Variants in SIPA1L3 observed in about 807,000 individuals in gnomAD.
The protein encoded by SIPA1L3 is signal induced proliferation associated 1 like 3.
In SIPA1L3, 59 loss-of-function variants were observed where a neutral mutation model predicts 150.1. That is an observed-to-expected ratio of 0.39 (90% CI 0.32 to 0.49). The LOEUF (loss-of-function observed/expected upper bound fraction) is 0.49. SIPA1L3 is among the 20% of genes least tolerant of loss of function. The pLI is 0.86. For missense variants in SIPA1L3, 2,211 were observed against 2,489.5 expected, an observed-to-expected ratio of 0.89 and a Z score of 2.38; for synonymous variants, 1,070 against 1,077.6, an observed-to-expected ratio of 0.99 and a Z score of 0.14.
Position 38,046,724 on chromosome 19 carries a change from A to C in SIPA1L3, c.-311+17568A>C, listed in dbSNP as rs1568518895. 6.6e-6 allele frequency among the ~76,000 whole-genome samples: 1 copy of C among 151,946 alleles called. No individual in the cohort carries two copies. Among genetic ancestry groups the C allele is most frequent in the African/African-American group, 2.4e-5 (1 of 41,358 alleles). ...CCAGGTCCCCCGAGCAGCTCCTCTG[A>C]CCCCGCAACCCGGCATCTCCTGTGC... On this transcript the variant is annotated intron_variant, in intron 2 of 21. Transcript: ENST00000222345. This position sits in a 1 kb window ranked among gnomAD's most constrained non-coding sequence, Gnocchi z 5.6.
At chr19:38,199,994 C>A (rs1316743399) in intron 19 of SIPA1L3, 3 of 152,058 alleles carry the variant, frequency 2.0e-5, no homozygotes, top group Non-Finnish European at 4.4e-5. Context: ...TTTGGGAGGT[C>A]AAGGTAGGAG....
chr19:38,050,717 C>T (rs899491785), intron 2 of SIPA1L3, among the ~76,000 whole-genome samples: 3 of 152,010 alleles, frequency 2.0e-5, no homozygotes, highest in Non-Finnish European at 4.4e-5. Context: ...ACATTTGAGT[C>T]GAGTGCTGTA....
intron 2 of SIPA1L3, among the ~76,000 whole-genome samples, chr19:38,052,390 G>C (rs1008301099): frequency 6.6e-6 from 1 of 152,234 alleles, no homozygotes; most frequent in African/African-American, 2.4e-5. Context: ...AAGGAGTAGG[G>C]CACCTTAGCA....
intron 21 of SIPA1L3, among the ~76,000 whole-genome samples, chr19:38,205,316 G>T (rs938376568): frequency 4.0e-5 from 6 of 151,874 alleles, no homozygotes; most frequent in African/African-American, 1.5e-4. Context: ...AAATTAGCCG[G>T]GTGTGGTGGT....
chr19:38,044,278 A>C (rs1968998929), intron 2 of SIPA1L3, among the ~76,000 whole-genome samples: 1 of 152,152 alleles, frequency 6.6e-6, no homozygotes, highest in Non-Finnish European at 1.5e-5. Flanking sequence ...GATGGCAAGG[A>C]GACAGTTGGA....
intron 3 of SIPA1L3, among the ~76,000 whole-genome samples, chr19:38,086,274 A>G (rs935195248): frequency 6.6e-6 from 1 of 152,184 alleles, no homozygotes; most frequent in Non-Finnish European, 1.5e-5. Flanking sequence ...AAATAAGATT[A>G]TACATTAAAA....
intron 1 of SIPA1L3, among the ~76,000 whole-genome samples, chr19:37,928,337 G>A (rs1190353824): frequency 1.3e-5 from 2 of 152,114 alleles, no homozygotes; most frequent in Admixed American, 1.3e-4. Context: ...CTGGGAGGCC[G>A]AGGCAGGTGG....
intron 1 of SIPA1L3, among the ~76,000 whole-genome samples, chr19:37,956,023 G>C (rs2046807330): frequency 6.6e-6 from 1 of 152,234 alleles, no homozygotes; most frequent in Admixed American, 6.5e-5. Flanking sequence ...ATGTTGTCCA[G>C]GCTGGAGTAC....
In SIPA1L3 at chr19:38,075,721, A is replaced by G. The variant is rs772717217; in HGVS notation, c.-310-5535A>G. ...CTTGATCCTGGGAAGCAGAGATTGC[A>G]GTGAGCCGAGATTGTGCCACTGTAC... On this transcript the variant is annotated intron_variant, in intron 2 of 21. Coordinates refer to ENST00000222345, the MANE Select transcript of SIPA1L3 (RefSeq NM_015073.3). Among the ~76,000 whole-genome samples the G allele has an allele frequency of 1.8e-4, 28 of 151,984 alleles. 1 individual carries two copies. The highest frequency in any genetic ancestry group is 3.5e-4 in the Non-Finnish European group (24 of 67,984).
At chr19:38,170,452 C>G (rs1042239357) in intron 15 of SIPA1L3, among the ~76,000 whole-genome samples, 1 of 152,232 alleles carries the variant, frequency 6.6e-6, no homozygotes, top group Non-Finnish European at 1.5e-5. Context: ...TGACAGCCTG[C>G]TCCCCAGCCT....
Position 38,081,452 on chromosome 19 carries a change from C to A in SIPA1L3, c.-114C>A. 1.0e-6 allele frequency: 1 copy of A among 1,003,802 alleles called. No individual in the cohort carries two copies. The highest frequency in any genetic ancestry group is 1.4e-6 in the Non-Finnish European group (1 of 692,178). 62.2% of individuals were successfully genotyped at this position (1,003,802 alleles called of 1,614,324 possible). A position where few individuals can be genotyped will look rare whatever the true frequency, so the allele number is the denominator to read the frequency against. ...ACAACCTTCCTGTCAGGTTTCAGGG[C>A]CCAGCATCCTTCATCCTGGGCCTGG... On this transcript the variant is annotated 5_prime_UTR_variant, in exon 3 of 22. Coordinates refer to ENST00000222345, the MANE Select transcript of SIPA1L3 (RefSeq NM_015073.3).
chr19:38,121,402 C>G (rs913016327), intron 9 of SIPA1L3, among the ~76,000 whole-genome samples: 1 of 151,618 alleles, frequency 6.6e-6, no homozygotes, highest in African/African-American at 2.4e-5. Context: ...CACGCCACTG[C>G]GCTCCAGCCT....
intron 1 of SIPA1L3, among the ~76,000 whole-genome samples, chr19:38,005,336 C>G (rs1000208796): frequency 2.7e-4 from 41 of 151,988 alleles, no homozygotes; most frequent in Admixed American, 5.2e-4. Context: ...CTGGCCCCTG[C>G]CTGCCACCCG....
chr19:37,944,508 C>A (rs2046692017), intron 1 of SIPA1L3, among the ~76,000 whole-genome samples: 1 of 152,158 alleles, frequency 6.6e-6, no homozygotes, highest in African/African-American at 2.4e-5. Context: ...ATTTCTCCAT[C>A]TTTAAAATGA....
At chr19:37,971,474 A>ATT (rs990308033) in intron 1 of SIPA1L3, among the ~76,000 whole-genome samples, 1 of 151,672 alleles carries the variant, frequency 6.6e-6, no homozygotes, top group Non-Finnish European at 1.5e-5. Context: ...GTCTCTATGT[A>ATT]TTTGCCTGTT....
chr19:38,049,345 T>C (rs1017639090), intron 2 of SIPA1L3, among the ~76,000 whole-genome samples: 11 of 152,210 alleles, frequency 7.2e-5, no homozygotes, highest in Non-Finnish European at 1.6e-4. Flanking sequence ...TTTGGAGCTC[T>C]GTATCTCATT....
intron 1 of SIPA1L3, among the ~76,000 whole-genome samples, chr19:37,917,861 T>C (rs962052198): frequency 1.3e-5 from 2 of 151,970 alleles, no homozygotes; most frequent in Non-Finnish European, 2.9e-5. Flanking sequence ...AAAAATTAGC[T>C]GGGTATGGTG....
chr19:38,029,819 G>A (rs919383069), intron 2 of SIPA1L3, among the ~76,000 whole-genome samples: 2 of 148,614 alleles, frequency 1.3e-5, no homozygotes, highest in African/African-American at 2.5e-5. Context: ...GGCTGGTTTC[G>A]AACTCCCGAC....
At chr19:38,019,550 G>C (rs1968319420) in intron 1 of SIPA1L3, among the ~76,000 whole-genome samples, 1 of 152,184 alleles carries the variant, frequency 6.6e-6, no homozygotes, top group South Asian at 2.1e-4. Flanking sequence ...TGAGCATCCT[G>C]AGAAGGAAGA....
Sources: gnomAD v4.1 joint callset for allele counts (sites outside exome capture counted in the v4.1 genomes callset) on GRCh38, gnomAD v4.1.1 for gene constraint, Gnocchi (gnomAD v3.1) non-coding constraint, MANE v1.5 for transcripts, NCBI Gene and HGNC (gene_info 2026-07-23, HGNC 2026-07-21) for gene names.